INTS14: variants seen among roughly 807,000 people sequenced by gnomAD.
INTS14 encodes the protein integrator complex subunit 14.
A neutral mutation model predicts 56.9 loss-of-function variants in INTS14; 27 were observed. That is an observed-to-expected ratio of 0.47 (90% CI 0.35 to 0.65). INTS14 has a LOEUF of 0.65. INTS14 is among the 30% of genes least tolerant of loss of function. INTS14 has a pLI of 0.00. For synonymous variants in INTS14, 207 were observed against 236.2 expected, an observed-to-expected ratio of 0.88 and a Z score of 1.13; for missense variants, 517 against 632.2, an observed-to-expected ratio of 0.82 and a Z score of 1.95.
chr15:65,599,892 C>A lies in INTS14; in HGVS notation c.368G>T (p.Arg123Ile). 6.2e-7 allele frequency: 1 copy of A among 1,613,956 alleles called. No individual in the cohort carries two copies. The highest frequency in any genetic ancestry group is 8.5e-7 in the Non-Finnish European group (1 of 1,179,906). ...LVTDGCLGIGRGSLRHSLATQ... is the reference protein window; with the variant it reads ...LVTDGCLGIGIGSLRHSLATQ... ...GGCTAGGGAATGTCGCAGTGACCCT[C>A]TACCAATGCCAAGACAGCCGTCTGT... The change falls in exon 4 of 12, where the codon AGA becomes ATA. Residue 123 changes from arginine to isoleucine, a missense_variant. Arg to Ile is a moderately conservative substitution (Grantham distance 97). Transcript: ENST00000313182.
At chr15:65,608,560 C>T (rs2073740302) in intron 1 of INTS14, among the ~76,000 whole-genome samples, 1 of 152,060 alleles carries the variant, frequency 6.6e-6, no homozygotes, top group South Asian at 2.1e-4. Context: ...CCTGCTGCTA[C>T]TCTATTATTA....
chr15:65,606,469 G>C (rs887162700), intron 2 of INTS14, among the ~76,000 whole-genome samples: 12 of 151,298 alleles, frequency 7.9e-5, no homozygotes, highest in South Asian at 6.3e-4. Context: ...TGTCCAGGCT[G>C]GTCTCAAACT....
Position 65,579,366 on chromosome 15 carries a change from T to A in INTS14, c.*42A>T. 6.3e-7 allele frequency: 1 copy of A among 1,593,014 alleles called. No homozygotes were observed. The highest frequency in any genetic ancestry group is 8.6e-7 in the Non-Finnish European group (1 of 1,165,402). ...GGAAAGGTTTTTACCTAAAGCATTT[T>A]CAGTTGAAATGAAAAAAGAAGGAAA... is the stretch of plus-strand genomic sequence containing the variant. On this transcript the variant is annotated 3_prime_UTR_variant, in exon 12 of 12. Coordinates refer to ENST00000313182, the MANE Select transcript of INTS14 (RefSeq NM_001394796.1).
At chr15:65,579,721 G>C in intron 11 of INTS14, 62 bp from the exon 12 acceptor site, 1 of 1,559,326 alleles carries the variant, frequency 6.4e-7, no homozygotes, top group Non-Finnish European at 8.7e-7. Flanking sequence ...TACTTTCTAA[G>C]TGCTCAGCTT....
At chr15:65,610,718 G>A in intron 1 of INTS14, 1 of 1,535,692 alleles carries the variant, frequency 6.5e-7, no homozygotes, top group Non-Finnish European at 8.7e-7. Flanking sequence ...GCCTCCGGGA[G>A]TCCCTCCCCA....
At position 65,579,227 on chromosome 15, in the gene INTS14, G is replaced by A. The variant is rs2072483870; in HGVS notation, c.*181C>T. Reference sequence around the variant, plus strand: ...ATCCCAGGAAGTTAAAGCCCAACCAGCCAACCACCTTCACATCCTTCTCAT... The same window carrying A: ...ATCCCAGGAAGTTAAAGCCCAACCAACCAACCACCTTCACATCCTTCTCAT... On this transcript the variant is annotated 3_prime_UTR_variant, in exon 12 of 12. Coordinates refer to ENST00000313182, the MANE Select transcript of INTS14 (RefSeq NM_001394796.1). 8.4e-6 allele frequency: 7 copies of A among 830,014 alleles called. No homozygotes were observed. The East Asian group carries it at 1.7e-4, about 20-fold the overall frequency. The allele number at this position is 830,014 out of a possible 1,614,324, so 51.4% of individuals were successfully genotyped here.
chr15:65,583,669 G>T (rs1425896652), intron 10 of INTS14, among the ~76,000 whole-genome samples: 2 of 151,968 alleles, frequency 1.3e-5, no homozygotes, highest in African/African-American at 4.8e-5. Flanking sequence ...ATGGTTGAAG[G>T]TACATTTTAT....
chr15:65,595,629 C>T (rs1274891173), intron 7 of INTS14, 104 bp downstream of exon 7: 1 of 840,990 alleles, frequency 1.2e-6, no homozygotes. Flanking sequence ...TGTAACTATT[C>T]CTTTCCCCTA....
chr15:65,593,604 A>T (rs2073108164), intron 7 of INTS14, 32 bp from the exon 8 acceptor site: 2 of 1,597,800 alleles, frequency 1.3e-6, no homozygotes, highest in Non-Finnish European at 1.7e-6. Flanking sequence ...GGTCAGACTG[A>T]AATTACCTAC....
chr15:65,608,958 C>T (rs551918387), intron 1 of INTS14, among the ~76,000 whole-genome samples: 42 of 152,310 alleles, frequency 2.8e-4, no homozygotes, highest in Admixed American at 2.2e-3. Flanking sequence ...AGTGCAGTGG[C>T]GCGATCTCCG....
chr15:65,595,377 G>A (rs1179618777), intron 7 of INTS14, among the ~76,000 whole-genome samples: 1 of 152,194 alleles, frequency 6.6e-6, no homozygotes, highest in African/African-American at 2.4e-5. Context: ...GTATAAAGCT[G>A]TATTTGACTT....
At chr15:65,586,179 A>G (rs753024334) in intron 9 of INTS14, among the ~76,000 whole-genome samples, 1 of 152,236 alleles carries the variant, frequency 6.6e-6, no homozygotes, top group Non-Finnish European at 1.5e-5. Context: ...TTTCAGCCTC[A>G]AGGAACTTAC....
At chr15:65,594,455 C>T (rs999215717) in intron 7 of INTS14, among the ~76,000 whole-genome samples, 24 of 150,490 alleles carry the variant, frequency 1.6e-4, no homozygotes, top group African/African-American at 5.4e-4. Context: ...TGCAGTGGCG[C>T]GATCTCGGCT....
chr15:65,581,397 A>C (rs895343237), intron 11 of INTS14, among the ~76,000 whole-genome samples: 1 of 139,700 alleles, frequency 7.2e-6, no homozygotes, highest in Admixed American at 7.0e-5. Flanking sequence ...AAAAAACAAA[A>C]ATTAGCTGGG....
intron 6 of INTS14, among the ~76,000 whole-genome samples, chr15:65,596,777 T>C (rs1289391111): frequency 1.3e-5 from 2 of 151,966 alleles, no homozygotes; most frequent in African/African-American, 4.8e-5. Flanking sequence ...TCCATGTTGG[T>C]CAGGCTGGTC....
chr15:65,599,648 C>A, intron 4 of INTS14, 126 bp downstream of exon 4: 1 of 1,060,796 alleles, frequency 9.4e-7, no homozygotes, highest in Non-Finnish European at 1.3e-6. Context: ...AAATACCAGC[C>A]TCAGCTGAAA....
chr15:65,598,644 G>A (rs1201390358), intron 5 of INTS14, 181 bp from the exon 6 acceptor site: 6 of 781,330 alleles, frequency 7.7e-6, no homozygotes, highest in Middle Eastern at 7.6e-4. Flanking sequence ...AAGCCCAAGA[G>A]CAAGTTAATT....
In INTS14 at chr15:65,598,532, C is replaced by G. The variant is rs189010492; in HGVS notation, c.606-69G>C. On this transcript the variant is annotated intron_variant, in intron 5 of 11. Transcript: ENST00000313182. ...CATATGAAGTTAATTTTTCAGGACG[C>G]AAGGGTTGTTTTCCTTTCAAGTTGG... The G allele has an allele frequency of 2.3e-5, 34 of 1,482,820 alleles. No homozygotes were observed. The East Asian group carries it at 7.8e-4, about 34-fold the overall frequency. 91.9% of individuals were successfully genotyped at this position (1,482,820 alleles called of 1,614,324 possible).
At chr15:65,593,166 G>T (rs1451673998) in intron 8 of INTS14, among the ~76,000 whole-genome samples, 6 of 151,886 alleles carry the variant, frequency 4.0e-5, no homozygotes, top group Admixed American at 3.9e-4. Flanking sequence ...GGAAGGCTGA[G>T]ATGGGAGGAT....
Sources: allele counts gnomAD v4.1 joint callset (sites outside exome capture counted in the v4.1 genomes callset), GRCh38; gene constraint gnomAD v4.1.1; transcripts MANE v1.5; gene names NCBI Gene and HGNC (gene_info 2026-07-23, HGNC 2026-07-21).